KLHL1: variants seen among roughly 807,000 people sequenced by gnomAD.
The protein encoded by KLHL1 is kelch like family member 1.
Under a neutral mutation model 77.7 loss-of-function variants are expected in KLHL1, and 47 were observed. That is an observed-to-expected ratio of 0.60 (90% CI 0.48 to 0.77). The LOEUF (loss-of-function observed/expected upper bound fraction) is 0.77. KLHL1 is among the 30% of genes least tolerant of loss of function. KLHL1 has a pLI of 0.00. For missense variants in KLHL1, 925 were observed against 910.8 expected, an observed-to-expected ratio of 1.02 and a Z score of -0.20; for synonymous variants, 360 against 325.2, an observed-to-expected ratio of 1.11 and a Z score of -1.15.
rs1888129598 is a variant in KLHL1 at position 70,108,347 on chromosome 13, T to C, written c.-648A>G. 3.8e-6 allele frequency: 1 copy of C among 265,384 alleles called. No homozygotes were observed. The highest frequency in any genetic ancestry group is 5.4e-5 in the Admixed American group (1 of 18,488). 16.4% of individuals were successfully genotyped at this position (265,384 alleles called of 1,614,324 possible). ...TTGCTTTCTGCAATGCCAGAAGAGG[T>C]GGTTTTATATAGTCAGTTTGTAAAA... On this transcript the variant is annotated 5_prime_UTR_variant, in exon 1 of 11. Coordinates refer to ENST00000377844, the MANE Select transcript of KLHL1 (RefSeq NM_020866.3).
At chr13:69,837,595 T>C (rs532987308) in intron 6 of KLHL1, among the ~76,000 whole-genome samples, 2 of 146,930 alleles carry the variant, frequency 1.4e-5, no homozygotes, top group South Asian at 2.1e-4. Flanking sequence ...ACTATATATA[T>C]ACACATACAT....
rs1002380137 is a variant in KLHL1, at chr13:69,815,947, G to A, written c.1415-18985C>T. On this transcript the variant is annotated intron_variant, in intron 6 of 10. Coordinates refer to ENST00000377844, the MANE Select transcript of KLHL1 (RefSeq NM_020866.3). ...TAAAGAAATTAACTATACCTTTTAA[G>A]AAATATGAAAAGGCTATATTTTGTT... Among the ~76,000 whole-genome samples, 15 of 151,644 alleles carry A rather than the reference G, an allele frequency of 9.9e-5. No homozygotes were observed. In the South Asian group the frequency reaches 3.1e-3, roughly 32 times the overall value.
At chr13:69,812,078 G>A (rs1877905735) in intron 6 of KLHL1, among the ~76,000 whole-genome samples, 1 of 151,948 alleles carries the variant, frequency 6.6e-6, no homozygotes, top group African/African-American at 2.4e-5. Context: ...CTTTAAATGT[G>A]TCCCAGAGAT....
intron 7 of KLHL1, among the ~76,000 whole-genome samples, chr13:69,750,850 C>T (rs1237502438): frequency 6.6e-6 from 1 of 151,994 alleles, no homozygotes; most frequent in East Asian, 1.9e-4. Context: ...GATTATCCAT[C>T]GTGGTTGCAC....
intron 1 of KLHL1, among the ~76,000 whole-genome samples, chr13:70,035,387 A>G (rs1300428561): frequency 2.0e-5 from 3 of 152,162 alleles, no homozygotes. Context: ...AATAAAAACA[A>G]TTGAAAACAT....
intron 5 of KLHL1, among the ~76,000 whole-genome samples, chr13:69,842,061 T>A (rs932987124): frequency 6.6e-6 from 1 of 151,828 alleles, no homozygotes; most frequent in Non-Finnish European, 1.5e-5. Context: ...AATACACAAA[T>A]GTAAGTTGCA....
chr13:70,085,885 A>G (rs1887523501), intron 1 of KLHL1, among the ~76,000 whole-genome samples: 1 of 152,168 alleles, frequency 6.6e-6, no homozygotes, highest in African/African-American at 2.4e-5. Context: ...CAAAACAAAC[A>G]AACAAAGAAC....
chr13:69,780,737 T>C (rs1301216359), intron 7 of KLHL1, among the ~76,000 whole-genome samples: 1 of 63,698 alleles, frequency 1.6e-5, no homozygotes, highest in Admixed American at 1.4e-4. Flanking sequence ...TATATACATA[T>C]ATATATACAT....
chr13:70,089,649 T>C (rs776239523), intron 1 of KLHL1, among the ~76,000 whole-genome samples: 18 of 152,106 alleles, frequency 1.2e-4, no homozygotes, highest in Non-Finnish European at 2.1e-4. Flanking sequence ...AATTTAAACA[T>C]TGTGCTGAAG....
intron 2 of KLHL1, among the ~76,000 whole-genome samples, chr13:69,970,110 G>C (rs945291207): frequency 1.3e-5 from 2 of 152,042 alleles, no homozygotes; most frequent in African/African-American, 4.8e-5. Context: ...CATAGGTTTT[G>C]TTCAGGCCTC....
chr13:69,815,689 A>G (rs1220065025), intron 6 of KLHL1, among the ~76,000 whole-genome samples: 1 of 152,102 alleles, frequency 6.6e-6, no homozygotes, highest in Non-Finnish European at 1.5e-5. Flanking sequence ...AAACATGCAC[A>G]TGTACCCGTG....
intron 7 of KLHL1, among the ~76,000 whole-genome samples, chr13:69,789,035 CTAT>C (rs1876720712): frequency 5.9e-4 from 36 of 61,422 alleles, no homozygotes; most frequent in African/African-American, 2.4e-3. Flanking sequence ...ATCTATCTAT[CTAT>C]CTATCTATCT....
chr13:70,057,101 C>T (rs1432203107), intron 1 of KLHL1, among the ~76,000 whole-genome samples: 4 of 151,910 alleles, frequency 2.6e-5, no homozygotes, highest in African/African-American at 9.7e-5. Context: ...GATAAAAAAA[C>T]ATTACAACTG....
chr13:69,965,513 A>G (rs181536515), intron 2 of KLHL1, among the ~76,000 whole-genome samples: 1 of 152,254 alleles, frequency 6.6e-6, no homozygotes, highest in Non-Finnish European at 1.5e-5. Context: ...CTGAGACACA[A>G]TATTAAAACT....
Position 69,740,207 on chromosome 13 carries a change from T to C in KLHL1, c.1802+187A>G, listed in dbSNP as rs557534260. On this transcript the variant is annotated intron_variant, in intron 8 of 10. Transcript: ENST00000377844. ...TGATACTTCTTTAATCATCAATTAA[T>C]GTGAAGCAATTTTGGGTTCCGTTGT... is the stretch of plus-strand genomic sequence containing the variant. Among the ~76,000 whole-genome samples, 5 of 152,362 alleles carry C rather than the reference T, an allele frequency of 3.3e-5. No homozygotes were observed. In the East Asian group the frequency reaches 9.6e-4, roughly 29 times the overall value.
At chr13:69,786,814 G>A (rs1876575693) in intron 7 of KLHL1, among the ~76,000 whole-genome samples, 2 of 152,070 alleles carry the variant, frequency 1.3e-5, no homozygotes, top group Non-Finnish European at 2.9e-5. Flanking sequence ...CAAAGTCTCA[G>A]GATACAAAAT....
intron 7 of KLHL1, among the ~76,000 whole-genome samples, chr13:69,794,764 AATTGAC>A (rs1255670235): frequency 6.6e-6 from 1 of 152,198 alleles, no homozygotes; most frequent in Non-Finnish European, 1.5e-5. Flanking sequence ...AAACAAATTT[AATTGAC>A]ATTAAGATAT....
chr13:69,840,662 A>G (rs1476098812), intron 5 of KLHL1, among the ~76,000 whole-genome samples: 1 of 150,838 alleles, frequency 6.6e-6, no homozygotes, highest in African/African-American at 2.4e-5. Flanking sequence ...CTTTCTACGC[A>G]CTTTTATTTT....
rs1880038268 is a variant in KLHL1, at chr13:69,859,186, C to A, written c.1228-20024G>T. Among the ~76,000 whole-genome samples, 4 of 151,878 alleles carry A rather than the reference C, an allele frequency of 2.6e-5. No homozygotes were observed. In the South Asian group the frequency reaches 8.3e-4, roughly 32 times the overall value. ...CCTCAACTATTGTAATACCTTCTGA[C>A]TGGTGTATCTGCTCCCATTCTTCTT... On this transcript the variant is annotated intron_variant, in intron 5 of 10. Transcript: ENST00000377844.
Sources: allele counts gnomAD v4.1 joint callset (sites outside exome capture counted in the v4.1 genomes callset), GRCh38; gene constraint gnomAD v4.1.1; transcripts MANE v1.5; gene names NCBI Gene and HGNC (gene_info 2026-07-23, HGNC 2026-07-21).